RIOX2: variants seen among roughly 807,000 people sequenced by gnomAD.
RIOX2 encodes ribosomal oxygenase 2.
RIOX2 carries 43 observed loss-of-function variants against 51.2 expected under a neutral mutation model. That is an observed-to-expected ratio of 0.84 (90% CI 0.66 to 1.08). The LOEUF (loss-of-function observed/expected upper bound fraction) is 1.08, where lower values mean the gene tolerates loss of function less well. Ranked by LOEUF, RIOX2 falls within the 50% of genes least tolerant of loss-of-function variation. The probability of loss-of-function intolerance (pLI) is 0.00; values close to 1 mark genes in which losing one functional copy is unlikely to be tolerated. For missense variants in RIOX2, 566 were observed against 561.7 expected, an observed-to-expected ratio of 1.01 and a Z score of -0.08; for synonymous variants, 226 against 218.5, an observed-to-expected ratio of 1.03 and a Z score of -0.30.
At chr3:97,945,508 A>G in intron 9 of RIOX2, 166 bp from the exon 10 acceptor site, 1 of 639,398 alleles carries the variant, frequency 1.6e-6, no homozygotes, top group Non-Finnish European at 2.6e-6. Flanking sequence ...CTTCTATATA[A>G]AAGGCATCCT....
Position 97,944,168 on chromosome 3 carries a change from A to C in RIOX2, c.*1016T>G, listed in dbSNP as rs963770626. 1.3e-5 allele frequency: 2 copies of C among 151,444 alleles called. No homozygotes were observed. The highest frequency in any genetic ancestry group is 4.8e-5 in the African/African-American group (2 of 41,254). The allele number at this position is 151,444 out of a possible 1,614,324, so 9.4% of individuals were successfully genotyped here. On this transcript the variant is annotated 3_prime_UTR_variant, in exon 10 of 10. Coordinates refer to ENST00000394198, the MANE Select transcript of RIOX2 (RefSeq NM_153182.4). ...AATATCCAAATTAAAACACAGTAGC[A>C]TTTGAACCTTGACCTTACCATCTCT...
At chr3:97,950,056 A>G (rs1206360644) in intron 6 of RIOX2, 41 bp from the exon 7 acceptor site, 1 of 1,608,066 alleles carries the variant, frequency 6.2e-7, no homozygotes, top group Non-Finnish European at 8.5e-7. Flanking sequence ...ATGCCAGCAG[A>G]ACTTACTGCC....
In RIOX2 at chr3:97,943,323, A is replaced by G. The variant is rs2040274370; in HGVS notation, c.*1861T>C. 1 of 1,465,034 alleles carries G rather than the reference A, an allele frequency of 6.8e-7. No individual in the cohort carries two copies. Among genetic ancestry groups the G allele is most frequent in the Non-Finnish European group, 9.6e-7 (1 of 1,047,072 alleles). 90.8% of individuals were successfully genotyped at this position (1,465,034 alleles called of 1,614,324 possible). A position where few individuals can be genotyped will look rare whatever the true frequency, so the allele number is the denominator to read the frequency against. On this transcript the variant is annotated 3_prime_UTR_variant, in exon 10 of 10. Coordinates refer to ENST00000394198, the MANE Select transcript of RIOX2 (RefSeq NM_153182.4). ...ACATTGAAATATTGTGAGAGAATCA[A>G]CATCCCTAGAAAGATCCCTAGAAAG...
intron 9 of RIOX2, 64 bp downstream of exon 9, chr3:97,945,734 A>T (rs757865229): frequency 1.6e-6 from 2 of 1,258,910 alleles, no homozygotes; most frequent in Non-Finnish European, 2.3e-6. Context: ...AATCAAAAAT[A>T]ATCAATTCTT....
At chr3:97,949,166 T>C (rs923009817) in intron 7 of RIOX2, among the ~76,000 whole-genome samples, 6 of 152,072 alleles carry the variant, frequency 3.9e-5, no homozygotes, top group African/African-American at 1.4e-4. Context: ...TTGGGTCACA[T>C]TGTGGGGAGC....
At chr3:97,966,174 C>G (rs561325825) in intron 2 of RIOX2, among the ~76,000 whole-genome samples, 2 of 152,292 alleles carry the variant, frequency 1.3e-5, no homozygotes, top group South Asian at 4.2e-4. Flanking sequence ...TGGGATATAA[C>G]AAGCCACCTC....
At chr3:97,965,787 C>A (rs1705870429) in intron 2 of RIOX2, among the ~76,000 whole-genome samples, 1 of 152,146 alleles carries the variant, frequency 6.6e-6, no homozygotes, top group African/African-American at 2.4e-5. Context: ...GGTCTATGAC[C>A]AAAGTACACG....
rs772383493 is a variant in RIOX2 at position 97,961,576 on chromosome 3, C to T, written c.552+13G>A. On this transcript the variant is annotated intron_variant, in intron 3 of 9. Transcript: ENST00000394198. ...ATTCTTCCCAACATGGGGCAATTTTCTCCATCTCTTACCTCGACATCATCA... is the reference window on the plus strand; with the variant it reads ...ATTCTTCCCAACATGGGGCAATTTTTTCCATCTCTTACCTCGACATCATCA... 7.6e-6 allele frequency: 12 copies of T among 1,587,488 alleles called. No homozygotes were observed. In the African/African-American group the frequency reaches 1.6e-4, roughly 22 times the overall value.
In RIOX2 at chr3:97,942,064, AC is replaced by A; in HGVS notation, c.*3119del. On this transcript the variant is annotated 3_prime_UTR_variant, in exon 10 of 10. Coordinates refer to ENST00000394198, the MANE Select transcript of RIOX2 (RefSeq NM_153182.4). Reference sequence around the variant, plus strand: ...TGTAGACATCCTATTAAAAACAAGTACCTCTATTTCAGTTGGTTTATTTCTG... The same window carrying A: ...TGTAGACATCCTATTAAAAACAAGTACTCTATTTCAGTTGGTTTATTTCTG... 1 of 343,828 alleles carries A rather than the reference AC, an allele frequency of 2.9e-6. No individual in the cohort carries two copies. Among genetic ancestry groups the A allele is most frequent in the Non-Finnish European group, 5.2e-6 (1 of 192,144 alleles). 21.3% of individuals were successfully genotyped at this position (343,828 alleles called of 1,614,324 possible).
At chr3:97,955,792 C>G (rs1484273815) in intron 4 of RIOX2, among the ~76,000 whole-genome samples, 1 of 152,142 alleles carries the variant, frequency 6.6e-6, no homozygotes, top group Admixed American at 6.5e-5. Context: ...ACTTACAAAT[C>G]TAGGTAGTAT....
In RIOX2 at chr3:97,949,949, G is replaced by A. The variant is rs753339308; in HGVS notation, c.955C>T (p.Leu319=). 6 of 1,613,806 alleles carry A rather than the reference G, an allele frequency of 3.7e-6. No individual in the cohort carries two copies. The highest frequency in any genetic ancestry group is 3.3e-4 in the Middle Eastern group (2 of 6,050). ...SGFLRTLADR[L]EGTKELLSSD... is the part of the protein sequence containing the mutation. ...GAAAGCAGTTCTTTGGTGCCCTCCA[G>A]CCGGTCTGCAAGTGTCCTCAGGAAG... The change falls in exon 7 of 10, where the codon CTG becomes TTG. Residue 319 remains leucine (L), a synonymous_variant. Transcript: ENST00000394198.
chr3:97,948,980 G>A (rs2107139573), intron 7 of RIOX2, among the ~76,000 whole-genome samples: 1 of 152,238 alleles, frequency 6.6e-6, no homozygotes, highest in Non-Finnish European at 1.5e-5. Flanking sequence ...GCCTAAATCT[G>A]TCATAAATTA....
chr3:97,951,644 C>T (rs1009056344), intron 5 of RIOX2, among the ~76,000 whole-genome samples: 5 of 152,144 alleles, frequency 3.3e-5, no homozygotes, highest in Admixed American at 3.3e-4. Context: ...GTGTCACCAG[C>T]AGATTTCAAA....
intron 3 of RIOX2, 133 bp from the exon 4 acceptor site, chr3:97,959,312 T>G (rs1705579461): frequency 1.2e-6 from 1 of 800,234 alleles, no homozygotes; most frequent in Admixed American, 3.7e-5. Context: ...ACAGGTTTTT[T>G]TTTTTTTTTT....
chr3:97,947,490 G>GA, intron 7 of RIOX2, 41 bp from the exon 8 acceptor site: 1 of 1,506,614 alleles, frequency 6.6e-7, no homozygotes, highest in Non-Finnish European at 9.2e-7. Flanking sequence ...TTCAAAAAAG[G>GA]AAACAGGCAG....
At chr3:97,955,940 G>GA (rs1167952810) in intron 4 of RIOX2, among the ~76,000 whole-genome samples, 2 of 152,114 alleles carry the variant, frequency 1.3e-5, no homozygotes, top group Admixed American at 1.3e-4. Context: ...ACGTGGACAA[G>GA]AAAAAACACA....
At position 97,967,393 on chromosome 3, in the gene RIOX2, C is replaced by T; in HGVS notation, c.201G>A (p.Gln67=). ...ATGTGGCCAGTGCAGGGTCATCTCT[C>T]TGAATGAGAAGGGGCTTCTGCTCCC... is the stretch of plus-strand genomic sequence containing the variant. ...EFWEQKPLLI[Q]RDDPALATYY... is the part of the protein sequence containing the mutation. The change falls in exon 2 of 10, where the codon CAG becomes CAA. Residue 67 remains glutamine (Q), a synonymous_variant. Transcript: ENST00000394198. 6.2e-7 allele frequency: 1 copy of T among 1,614,166 alleles called. No individual in the cohort carries two copies. The highest frequency in any genetic ancestry group is 1.7e-5 in the Admixed American group (1 of 60,026).
In RIOX2 at chr3:97,972,409, A is replaced by T. The variant is rs1559768347; in HGVS notation, c.-68T>A. 1 of 150,484 alleles carries T rather than the reference A, an allele frequency of 6.6e-6. No homozygotes were observed. The highest frequency in any genetic ancestry group is 1.5e-5 in the Non-Finnish European group (1 of 67,524). 9.3% of individuals were successfully genotyped at this position (150,484 alleles called of 1,614,324 possible). A position where few individuals can be genotyped will look rare whatever the true frequency, so the allele number is the denominator to read the frequency against. Reference sequence around the variant, plus strand: ...GCACGGCCTGTTGCTCGCGGCCGCGAGCCCACTGCGTTGCGGCGCAGCGGC... The same window carrying T: ...GCACGGCCTGTTGCTCGCGGCCGCGTGCCCACTGCGTTGCGGCGCAGCGGC... On this transcript the variant is annotated 5_prime_UTR_variant, in exon 1 of 10. Coordinates refer to ENST00000394198, the MANE Select transcript of RIOX2 (RefSeq NM_153182.4).
chr3:97,945,704 TA>T, intron 9 of RIOX2, 93 bp downstream of exon 9: 1 of 974,144 alleles, frequency 1.0e-6, no homozygotes. Context: ...AGTGCAGCCA[TA>T]AAAAGCATAT....
Sources: allele counts gnomAD v4.1 joint callset (sites outside exome capture counted in the v4.1 genomes callset), GRCh38; gene constraint gnomAD v4.1.1; transcripts MANE v1.5; gene names NCBI Gene and HGNC (gene_info 2026-07-23, HGNC 2026-07-21).